The following HOXA3 variants were observed in gnomAD, a reference collection of about 807,000 sequenced individuals.
HOXA3 encodes the protein homeobox A3.
A neutral mutation model predicts 30.3 loss-of-function variants in HOXA3; 8 were observed. The observed-to-expected ratio is 0.26, with a 90% CI of 0.15 to 0.48. HOXA3 has a LOEUF of 0.48. Ranked by LOEUF, HOXA3 falls within the 20% of genes least tolerant of loss-of-function variation. The pLI is 0.99. For synonymous variants in HOXA3, 323 were observed against 273.1 expected (o/e 1.18, Z -1.80); for missense variants, 653 against 614.4 (o/e 1.06, Z -0.66).
At chr7:27,119,529 G>A (rs1784904723) in intron 4 of HOXA3, 1 of 152,134 alleles carries the variant, frequency 6.6e-6, no homozygotes. Flanking sequence ...TTCATGAGCT[G>A]TCTAAAAATC....
intron 2 of HOXA3, among the ~76,000 whole-genome samples, chr7:27,139,824 G>C (rs1782476641): frequency 6.6e-6 from 1 of 152,198 alleles, no homozygotes; most frequent in Non-Finnish European, 1.5e-5. Flanking sequence ...GGGAGCAGCG[G>C]AAGTCATTAA....
chr7:27,110,345 G>A lies in HOXA3; in HGVS notation c.296C>T (p.Pro99Leu), dbSNP rs1337294972. ...PLHPPPPQAAPPAPQPPQPAP... is the reference protein window; with the variant it reads ...PLHPPPPQAALPAPQPPQPAP... ...GGGCTGAGGCGGCTGTGGGGCAGGG[G>A]GCGCGGCCTGGGGCGGCGGCGGGTG... is the stretch of plus-strand genomic sequence containing the variant. The change falls in exon 5 of 6, where the codon CCC (proline) becomes CTC (leucine). Residue 99 changes from proline (P) to leucine (L), a missense_variant. This residue lies in a region of HOXA3 where 320 missense variants were observed against 321.9 expected (regional missense o/e 0.99). Coordinates refer to ENST00000612286, the MANE Select transcript of HOXA3 (RefSeq NM_153631.3). The A allele has an allele frequency of 1.3e-6, 2 of 1,508,646 alleles. No homozygotes were observed. The highest frequency in any genetic ancestry group is 1.8e-6 in the Non-Finnish European group (2 of 1,132,994). 93.5% of individuals were successfully genotyped at this position (1,508,646 alleles called of 1,614,324 possible). A position where few individuals can be genotyped will look rare whatever the true frequency, so the allele number is the denominator to read the frequency against.
rs1042079286 is a variant in HOXA3 at position 27,152,520 on chromosome 7, C to T, written c.-726G>A. 5.9e-6 allele frequency: 7 copies of T among 1,178,492 alleles called. No individual in the cohort carries two copies. The highest frequency in any genetic ancestry group is 3.2e-5 in the African/African-American group (2 of 61,864). 73.0% of individuals were successfully genotyped at this position (1,178,492 alleles called of 1,614,324 possible). ...TCGCTCGCCATCTCCGGACAAAGCA[C>T]AGCCGAGCCCGGCTGGAAGGCAGAG... On this transcript the variant is annotated 5_prime_UTR_variant, in exon 1 of 6. It adds an upstream start codon to the 5' untranslated region. Transcript: ENST00000612286.
chr7:27,143,853 G>C (rs544414332), intron 1 of HOXA3, among the ~76,000 whole-genome samples: 9 of 152,104 alleles, frequency 5.9e-5, no homozygotes, highest in Non-Finnish European at 1.3e-4. Flanking sequence ...AGGCGAGGGG[G>C]GTGGCGCGCG....
rs183028699 is a variant in HOXA3 at position 27,120,820 on chromosome 7, G to C, written c.-121+1739C>G. On this transcript the variant is annotated intron_variant, in intron 4 of 5. Transcript: ENST00000612286. ...AACAGCTTCTCTATGAGAGATCTTG[G>C]CCTGGGCAGCCTATCTGGGGAACCA... 12 of 152,332 alleles carry C rather than the reference G, an allele frequency of 7.9e-5. No homozygotes were observed. The East Asian group carries it at 2.1e-3, about 27-fold the overall frequency. The allele number at this position is 152,332 out of a possible 1,614,324, so 9.4% of individuals were successfully genotyped here. A position where few individuals can be genotyped will look rare whatever the true frequency, so the allele number is the denominator to read the frequency against.
rs1784102528 is a variant in HOXA3, at chr7:27,107,900, G to A, written c.*15C>T. 3 of 1,510,988 alleles carry A rather than the reference G, an allele frequency of 2.0e-6. No individual in the cohort carries two copies. In the South Asian group the frequency reaches 3.7e-5, roughly 19 times the overall value. 93.6% of individuals were successfully genotyped at this position (1,510,988 alleles called of 1,614,324 possible). A position where few individuals can be genotyped will look rare whatever the true frequency, so the allele number is the denominator to read the frequency against. On this transcript the variant is annotated 3_prime_UTR_variant, in exon 6 of 6. Coordinates refer to ENST00000612286, the MANE Select transcript of HOXA3 (RefSeq NM_153631.3). Reference sequence around the variant, plus strand: ...TGGGGGGAGACTCTCCTGGCGCGTAGCCCCAAGCCCACTATCACAGGTGGG... The same window carrying A: ...TGGGGGGAGACTCTCCTGGCGCGTAACCCCAAGCCCACTATCACAGGTGGG...
intron 2 of HOXA3, chr7:27,128,502 A>G (rs1158000920): frequency 6.6e-6 from 1 of 152,266 alleles, no homozygotes; most frequent in Non-Finnish European, 1.5e-5. Flanking sequence ...AGCTTAGAAA[A>G]CACATGAATC....
chr7:27,139,549 A>G (rs1324878630), intron 2 of HOXA3, among the ~76,000 whole-genome samples: 1 of 152,224 alleles, frequency 6.6e-6, no homozygotes, highest in Non-Finnish European at 1.5e-5. Context: ...CCGCGAAGAC[A>G]TATTGCCACA....
At chr7:27,130,079 C>T (rs563712719) in intron 2 of HOXA3, 152 of 1,556,760 alleles carry the variant, frequency 9.8e-5, no homozygotes, top group Non-Finnish European at 1.3e-4. Flanking sequence ...AGGCCCAGCC[C>T]CGGCCCACCT....
At chr7:27,137,606 A>G (rs1442749681) in intron 2 of HOXA3, among the ~76,000 whole-genome samples, 1 of 152,238 alleles carries the variant, frequency 6.6e-6, no homozygotes, top group African/African-American at 2.4e-5. Context: ...GCTTCCTATG[A>G]AAATAGGAAG....
At chr7:27,147,740 A>G (rs1210726456) in intron 1 of HOXA3, 4 of 1,607,068 alleles carry the variant, frequency 2.5e-6, no homozygotes, top group Non-Finnish European at 2.5e-6. Flanking sequence ...TTCACAAAAT[A>G]GGAACTCATT....
chr7:27,138,593 T>C (rs539095465), intron 2 of HOXA3, among the ~76,000 whole-genome samples: 2 of 152,242 alleles, frequency 1.3e-5, no homozygotes, highest in Non-Finnish European at 2.9e-5. Context: ...TGGGTACCCA[T>C]CCAGAAAAAG....
intron 1 of HOXA3, chr7:27,147,484 G>A (rs1195205618): frequency 1.3e-5 from 21 of 1,614,056 alleles, no homozygotes; most frequent in Non-Finnish European, 1.6e-5. Context: ...GCCCGAGGGC[G>A]AGGCGCCACT....
At position 27,108,724 on chromosome 7, in the gene HOXA3, C is replaced by T; in HGVS notation, c.527-4G>A. The stretch of plus-strand genomic sequence containing the variant: ...TTGTCGCCAGCGCAGCTTTCGCCTG[C>T]GAGGACAGAGAGAGGAAGAGCGGCG... On this transcript the variant is annotated splice_region_variant and splice_polypyrimidine_tract_variant and intron_variant, in intron 5 of 5. Transcript: ENST00000612286. This position sits in a 1 kb window ranked among gnomAD's most constrained non-coding sequence, Gnocchi z 5.0. The T allele has an allele frequency of 7.6e-6, 12 of 1,588,608 alleles. No individual in the cohort carries two copies. Among genetic ancestry groups the T allele is most frequent in the Non-Finnish European group, 1.0e-5 (12 of 1,165,464 alleles).
At chr7:27,144,706 A>G (rs1782689909) in intron 1 of HOXA3, among the ~76,000 whole-genome samples, 1 of 152,164 alleles carries the variant, frequency 6.6e-6, no homozygotes, top group Admixed American at 6.5e-5. Flanking sequence ...GCGATAATGG[A>G]AGCATTCCTT....
intron 5 of HOXA3, among the ~76,000 whole-genome samples, chr7:27,109,173 C>T (rs1193752277): frequency 6.6e-6 from 1 of 152,176 alleles, no homozygotes; most frequent in Non-Finnish European, 1.5e-5. Flanking sequence ...CTTCAACTGG[C>T]CACTTTTTTC....
At chr7:27,147,248 C>T (rs1280186039) in intron 1 of HOXA3, 2 of 1,440,998 alleles carry the variant, frequency 1.4e-6, no homozygotes, top group Non-Finnish European at 1.9e-6. Context: ...TTTCCTCCTT[C>T]TTTCTTTCTT....
At chr7:27,119,728 C>T (rs1784911290) in intron 4 of HOXA3, 1 of 152,142 alleles carries the variant, frequency 6.6e-6, no homozygotes, top group East Asian at 1.9e-4. Flanking sequence ...TGCAGAGGAA[C>T]AGAAGGGGTC....
intron 1 of HOXA3, chr7:27,143,161 G>C (rs752398373): frequency 5.6e-6 from 9 of 1,609,726 alleles, no homozygotes; most frequent in Non-Finnish European, 7.6e-6. Flanking sequence ...CGTCCTCCTC[G>C]GCTCCGGACG....
Sources: allele counts gnomAD v4.1 joint callset (sites outside exome capture counted in the v4.1 genomes callset), GRCh38; gene constraint gnomAD v4.1.1; regional missense constraint gnomAD v4.1.1; non-coding constraint Gnocchi (gnomAD v3.1); transcripts MANE v1.5; gene names NCBI Gene and HGNC (gene_info 2026-07-23, HGNC 2026-07-21).